ADAMTS6: variants seen among roughly 807,000 people sequenced by gnomAD.
ADAMTS6 encodes A disintegrin and metalloproteinase with thrombospondin motifs 6.
Under a neutral mutation model 144.3 loss-of-function variants are expected in ADAMTS6, and 23 were observed. The ratio of observed to expected loss-of-function variants is 0.16; its 90% CI spans 0.11 to 0.23. The LOEUF is 0.23. Ranked by LOEUF, ADAMTS6 falls within the 10% of genes least tolerant of loss-of-function variation. ADAMTS6 has a pLI of 1.00. For synonymous variants in ADAMTS6, 444 were observed against 457.5 expected, an observed-to-expected ratio of 0.97 and a Z score of 0.38; for missense variants, 999 against 1,379.6, an observed-to-expected ratio of 0.72 and a Z score of 4.37.
chr5:65,177,597 C>G lies in ADAMTS6; in HGVS notation c.2911-4589G>C, dbSNP rs553431174. On this transcript the variant is annotated intron_variant, in intron 22 of 24. Transcript: ENST00000381055. ...AGTTGGTCCAACATTCTGTGGACCA[C>G]TAAAGAGCAAGGATGGACTGCCCCA... 1.1e-3 allele frequency among the ~76,000 whole-genome samples: 172 copies of G among 152,280 alleles called. 2 individuals carry two copies. Among genetic ancestry groups the G allele is most frequent in the Non-Finnish European group, 9.1e-4 (62 of 68,016 alleles).
chr5:65,337,956 T>A (rs535658375), intron 7 of ADAMTS6, among the ~76,000 whole-genome samples: 1 of 152,292 alleles, frequency 6.6e-6, no homozygotes, highest in South Asian at 2.1e-4. Context: ...GAATTCTAAT[T>A]GCTTACTCTC....
At chr5:65,415,329 T>A (rs1175073180) in intron 7 of ADAMTS6, 1 of 155,144 alleles carries the variant, frequency 6.4e-6, no homozygotes, top group African/African-American at 2.4e-5. Flanking sequence ...AAAGACACAA[T>A]AACCTTCTCT....
At chr5:65,223,801 ATTT>A (rs774556245) in intron 18 of ADAMTS6, among the ~76,000 whole-genome samples, 1 of 137,888 alleles carries the variant, frequency 7.3e-6, no homozygotes, top group Non-Finnish European at 1.6e-5. Flanking sequence ...TGAGATAGTG[ATTT>A]TTTTTTTTTT....
intron 7 of ADAMTS6, among the ~76,000 whole-genome samples, chr5:65,358,072 A>T (rs80348054): frequency 0.014 from 2,132 of 151,860 alleles, 33 homozygotes; most frequent in East Asian, 0.083. Context: ...TTAATGTAAA[A>T]TTTCTCAATA....
chr5:65,370,397 C>T (rs1027969254), intron 7 of ADAMTS6, among the ~76,000 whole-genome samples: 10 of 152,136 alleles, frequency 6.6e-5, no homozygotes, highest in African/African-American at 9.7e-5. Flanking sequence ...TCAGACAGCG[C>T]GCGCAGGTCA....
At chr5:65,332,605 T>C (rs1442599173) in intron 8 of ADAMTS6, among the ~76,000 whole-genome samples, 1 of 152,060 alleles carries the variant, frequency 6.6e-6, no homozygotes, top group Non-Finnish European at 1.5e-5. Context: ...ATCTACATTT[T>C]TTTCCTTAAA....
chr5:65,351,560 TA>T (rs1349685610), intron 7 of ADAMTS6, among the ~76,000 whole-genome samples: 1 of 152,196 alleles, frequency 6.6e-6, no homozygotes, highest in Admixed American at 6.5e-5. Context: ...GATAAATATC[TA>T]AAAAAGAATT....
intron 11 of ADAMTS6, among the ~76,000 whole-genome samples, chr5:65,287,551 A>C (rs1299688586): frequency 6.6e-6 from 1 of 151,988 alleles, no homozygotes; most frequent in East Asian, 1.9e-4. Context: ...GTTTTTTGAG[A>C]TGGAGTTTTG....
chr5:65,446,641 G>C (rs1172995573), intron 7 of ADAMTS6, among the ~76,000 whole-genome samples: 1 of 152,156 alleles, frequency 6.6e-6, no homozygotes, highest in Non-Finnish European at 1.5e-5. Context: ...ATGAAGTACT[G>C]ATACATGCCA....
intron 22 of ADAMTS6, among the ~76,000 whole-genome samples, chr5:65,179,957 C>T (rs1454937004): frequency 2.2e-4 from 5 of 22,360 alleles, no homozygotes; most frequent in East Asian, 1.3e-3. Context: ...TGCACGCACG[C>T]GCACACACAC....
chr5:65,235,541 C>A (rs1758603528), intron 15 of ADAMTS6, among the ~76,000 whole-genome samples: 1 of 152,092 alleles, frequency 6.6e-6, no homozygotes, highest in African/African-American at 2.4e-5. Context: ...TGGTTGGGCA[C>A]AATCTAATCA....
chr5:65,177,298 T>C (rs1336066905), intron 22 of ADAMTS6, among the ~76,000 whole-genome samples: 1 of 152,204 alleles, frequency 6.6e-6, no homozygotes, highest in African/African-American at 2.4e-5. Flanking sequence ...TATTACTCTT[T>C]CTTCTTCCCT....
rs145976127 is a variant in ADAMTS6, at chr5:65,423,995, T to C, written c.1073+27480A>G. Among the ~76,000 whole-genome samples, 26 of 152,252 alleles carry C rather than the reference T, an allele frequency of 1.7e-4. 2 individuals carry two copies. The highest frequency in any genetic ancestry group is 6.3e-4 in the African/African-American group (26 of 41,568). ...TAAATATCACGATTAAAAAAAACAT[T>C]GGCAGCATTTATAAGAACTAAGTAG... On this transcript the variant is annotated intron_variant, in intron 7 of 24. Coordinates refer to ENST00000381055, the MANE Select transcript of ADAMTS6 (RefSeq NM_197941.4).
chr5:65,285,967 G>A (rs567160174), intron 11 of ADAMTS6, among the ~76,000 whole-genome samples: 1 of 152,322 alleles, frequency 6.6e-6, no homozygotes, highest in South Asian at 2.1e-4. Flanking sequence ...TTTGAGCTGA[G>A]ACTGAAGAGT....
intron 20 of ADAMTS6, among the ~76,000 whole-genome samples, chr5:65,208,521 GA>G (rs1756278125): frequency 6.6e-6 from 1 of 152,112 alleles, no homozygotes; most frequent in Admixed American, 6.5e-5. Flanking sequence ...GCCAACTGGT[GA>G]AAAAGCTCTT....
In ADAMTS6 at chr5:65,399,040, C is replaced by T. The variant is rs186376111; in HGVS notation, c.1073+52435G>A. 2.7e-3 allele frequency among the ~76,000 whole-genome samples: 407 copies of T among 151,580 alleles called. 3 individuals are homozygous for T. Among genetic ancestry groups the T allele is most frequent in the African/African-American group, 9.3e-3 (386 of 41,310 alleles). The stretch of plus-strand genomic sequence containing the variant: ...GGGAGGCCGAGGTGGATGGATCGTC[C>T]GAGGTCAGGAGTTCGAGATCAGCCT... On this transcript the variant is annotated intron_variant, in intron 7 of 24. Coordinates refer to ENST00000381055, the MANE Select transcript of ADAMTS6 (RefSeq NM_197941.4).
At chr5:65,254,837 T>C (rs146184184) in intron 14 of ADAMTS6, among the ~76,000 whole-genome samples, 92 of 152,336 alleles carry the variant, frequency 6.0e-4, no homozygotes, top group African/African-American at 2.0e-3. Flanking sequence ...AATGGAAATA[T>C]AAAATACTCC....
chr5:65,459,856 CCA>C (rs1759513956), intron 4 of ADAMTS6, among the ~76,000 whole-genome samples: 1 of 152,128 alleles, frequency 6.6e-6, no homozygotes, highest in Non-Finnish European at 1.5e-5. Flanking sequence ...TAAACGAACA[CCA>C]CAGAGTACTA....
chr5:65,284,797 T>C (rs2112722315), intron 11 of ADAMTS6, among the ~76,000 whole-genome samples: 1 of 152,188 alleles, frequency 6.6e-6, no homozygotes, highest in Middle Eastern at 3.4e-3. Context: ...TAAAGTTATG[T>C]CATATTCTCC....
Sources: allele counts gnomAD v4.1 joint callset (sites outside exome capture counted in the v4.1 genomes callset), GRCh38; gene constraint gnomAD v4.1.1; transcripts MANE v1.5; gene names NCBI Gene and HGNC (gene_info 2026-07-23, HGNC 2026-07-21).